The following AEBP2 variants were observed in gnomAD, a reference collection of about 807,000 sequenced individuals.
The protein encoded by AEBP2 is zinc finger protein AEBP2.
In AEBP2, 10 loss-of-function variants were observed where a neutral mutation model predicts 50.8. The observed-to-expected ratio is 0.20, with a 90% CI of 0.12 to 0.33. The LOEUF is 0.33. AEBP2 is among the 10% of genes least tolerant of loss of function. The pLI is 1.00. For synonymous variants in AEBP2, 296 were observed against 261.3 expected (o/e 1.13, Z -1.28); for missense variants, 570 against 688.0 (o/e 0.83, Z 1.92).
chr12:19,459,741 T>A (rs992912820), intron 1 of AEBP2, among the ~76,000 whole-genome samples: 1 of 152,170 alleles, frequency 6.6e-6, no homozygotes. Flanking sequence ...ACTAGGCAGG[T>A]AAATATATAT....
intron 3 of AEBP2, among the ~76,000 whole-genome samples, chr12:19,474,590 CCTTT>C (rs1390854889): frequency 6.6e-6 from 1 of 152,058 alleles, no homozygotes; most frequent in South Asian, 2.1e-4. Flanking sequence ...GTCTCATTCT[CCTTT>C]CTTTCTTACA....
chr12:19,521,968 T>C lies in AEBP2; in HGVS notation c.*3851T>C, dbSNP rs957021341. On this transcript the variant is annotated 3_prime_UTR_variant, in exon 8 of 8. Coordinates refer to ENST00000266508, the MANE Select transcript of AEBP2 (RefSeq NM_153207.5). ...AAAGAACTTAAATTCTTAGTTTATA[T>C]GAAAACTGATATGTATGTCTGTGTA... 7 of 152,140 alleles carry C rather than the reference T, an allele frequency of 4.6e-5. No individual in the cohort carries two copies. The highest frequency in any genetic ancestry group is 1.7e-4 in the African/African-American group (7 of 41,446). The allele number at this position is 152,140 out of a possible 1,614,324, so 9.4% of individuals were successfully genotyped here. A position where few individuals can be genotyped will look rare whatever the true frequency, so the allele number is the denominator to read the frequency against.
chr12:19,467,098 C>T (rs186400210), intron 2 of AEBP2, among the ~76,000 whole-genome samples: 1 of 152,186 alleles, frequency 6.6e-6, no homozygotes, highest in Admixed American at 6.6e-5. Flanking sequence ...ATTATGAATA[C>T]ACTTTTTTTT....
intron 3 of AEBP2, among the ~76,000 whole-genome samples, chr12:19,483,032 A>C (rs1024846176): frequency 1.3e-5 from 2 of 152,136 alleles, no homozygotes; most frequent in African/African-American, 4.8e-5. Context: ...CTCTGTCAGC[A>C]GCTCTGCGCT....
chr12:19,440,678 C>T (rs1947939833), intron 1 of AEBP2: 16 of 1,533,108 alleles, frequency 1.0e-5, no homozygotes, highest in Non-Finnish European at 1.4e-5. Flanking sequence ...GGGCCCAGAT[C>T]CTCTGGCGGA....
rs58323324 is a variant in AEBP2, at chr12:19,416,053, G to A, written c.-17+11837G>A. On this transcript the variant is annotated intron_variant, in intron 1 of 3. Coordinates refer to the AEBP2 transcript ENST00000538425. ...AAAAGTTAGCTGGGCATGGTGGTGC[G>A]TGCCTGTGGTCTCAACTACTTGGGA... 6.3e-3 allele frequency among the ~76,000 whole-genome samples: 956 copies of A among 152,224 alleles called. 9 individuals carry two copies. The highest frequency in any genetic ancestry group is 0.019 in the African/African-American group (788 of 41,538).
At chr12:19,467,223 T>TA (rs397729533) in intron 2 of AEBP2, among the ~76,000 whole-genome samples, 11 of 151,398 alleles carry the variant, frequency 7.3e-5, no homozygotes, top group Non-Finnish European at 1.3e-4. Flanking sequence ...CCTTTTTTTT[T>TA]AAAAACATCA....
At position 19,481,075 on chromosome 12, in the gene AEBP2, A is replaced by G. The variant is rs77807834; in HGVS notation, c.987+7720A>G. ...GAAATTCTTTCTTCTACTGTTATTG[A>G]AACTTTGCAGTGCATCCTTTTTTTT... On this transcript the variant is annotated intron_variant, in intron 3 of 7. Coordinates refer to ENST00000266508, the MANE Select transcript of AEBP2 (RefSeq NM_153207.5). Among the ~76,000 whole-genome samples, 1,091 of 140,214 alleles carry G rather than the reference A, an allele frequency of 7.8e-3. 58 individuals are homozygous for G. Among genetic ancestry groups the G allele is most frequent in the Admixed American group, 0.064 (897 of 14,016 alleles). The allele number at this position is 140,214 out of a possible 152,430, so 92.0% of individuals were successfully genotyped here. A position where few individuals can be genotyped will look rare whatever the true frequency, so the allele number is the denominator to read the frequency against.
intron 3 of AEBP2, among the ~76,000 whole-genome samples, chr12:19,485,854 A>G (rs1948800486): frequency 6.6e-6 from 1 of 151,850 alleles, no homozygotes; most frequent in African/African-American, 2.4e-5. Flanking sequence ...GATCAATTAA[A>G]TTATAACAGG....
intron 2 of AEBP2, chr12:19,466,701 G>T: frequency 1.5e-6 from 1 of 668,264 alleles, no homozygotes; most frequent in Non-Finnish European, 1.9e-6. Flanking sequence ...TGATTTTGTT[G>T]GCCTAATTAT....
chr12:19,518,037 A>T, intron 7 of AEBP2, 50 bp from the exon 8 acceptor site: 1 of 1,530,612 alleles, frequency 6.5e-7, no homozygotes, highest in Non-Finnish European at 8.9e-7. Context: ...GAAGCACTCA[A>T]ATGTGTTTGA....
rs1256719567 is a variant in AEBP2 at position 19,522,119 on chromosome 12, T to C, written c.*4002T>C. 2.0e-5 allele frequency: 3 copies of C among 152,072 alleles called. No homozygotes were observed. The highest frequency in any genetic ancestry group is 6.6e-5 in the Admixed American group (1 of 15,264). The allele number at this position is 152,072 out of a possible 1,614,324, so 9.4% of individuals were successfully genotyped here. A position where few individuals can be genotyped will look rare whatever the true frequency, so the allele number is the denominator to read the frequency against. ...TTTTGGGGATTTTGGTTAAAACATA[T>C]TTCTCTATTCTAAAAATTACAGAAT... is the stretch of plus-strand genomic sequence containing the variant. On this transcript the variant is annotated 3_prime_UTR_variant, in exon 8 of 8. Coordinates refer to ENST00000266508, the MANE Select transcript of AEBP2 (RefSeq NM_153207.5).
chr12:19,423,331 A>G lies in AEBP2; in HGVS notation c.-17+19115A>G, dbSNP rs149833115. Among the ~76,000 whole-genome samples the G allele has an allele frequency of 4.9e-4, 75 of 152,276 alleles. No homozygotes were observed. In the East Asian group the frequency reaches 0.013, roughly 27 times the overall value. On this transcript the variant is annotated intron_variant, in intron 1 of 3. Transcript: ENST00000538425. ...TCAATTTTTGGAAGCCTCTGCTGAC[A>G]GATCTGAATAGAAGATTGGCTGATC...
chr12:19,475,693 T>C (rs954656901), intron 3 of AEBP2, among the ~76,000 whole-genome samples: 1 of 152,148 alleles, frequency 6.6e-6, no homozygotes, highest in Non-Finnish European at 1.5e-5. Flanking sequence ...ATAGTGGTTG[T>C]ATTATATTCT....
chr12:19,509,057 A>G (rs1011162840), intron 5 of AEBP2: 18 of 596,216 alleles, frequency 3.0e-5, no homozygotes, highest in African/African-American at 3.0e-4. Context: ...GTGCCCAGGC[A>G]GACATGGAGG....
chr12:19,509,820 C>CTTTTTTT (rs57103167), intron 5 of AEBP2, among the ~76,000 whole-genome samples: 4 of 68,748 alleles, frequency 5.8e-5, no homozygotes, highest in Admixed American at 2.2e-4. Flanking sequence ...TGGCTACTTT[C>CTTTTTTT]TTTTTTTTTT....
chr12:19,416,992 C>T (rs1049970340), intron 1 of AEBP2, among the ~76,000 whole-genome samples: 2 of 151,932 alleles, frequency 1.3e-5, no homozygotes, highest in African/African-American at 4.8e-5. Context: ...CTGCCTCAGC[C>T]TCCTGAGTAG....
chr12:19,519,517 C>G lies in AEBP2; in HGVS notation c.*1400C>G, dbSNP rs1949369662. ...TATGGCACTCATTTCTGACAGTGATCAAGAAATCAGTTATTTCCTTACTGT... is the reference window on the plus strand; with the variant it reads ...TATGGCACTCATTTCTGACAGTGATGAAGAAATCAGTTATTTCCTTACTGT... On this transcript the variant is annotated 3_prime_UTR_variant, in exon 8 of 8. Transcript: ENST00000266508. 1 of 152,522 alleles carries G rather than the reference C, an allele frequency of 6.6e-6. No individual in the cohort carries two copies. Among genetic ancestry groups the G allele is most frequent in the African/African-American group, 2.4e-5 (1 of 41,446 alleles). 9.4% of individuals were successfully genotyped at this position (152,522 alleles called of 1,614,324 possible).
intron 1 of AEBP2, among the ~76,000 whole-genome samples, chr12:19,450,997 T>G (rs1158099419): frequency 6.9e-6 from 1 of 144,274 alleles, no homozygotes; most frequent in African/African-American, 2.6e-5. Flanking sequence ...GTTTTTTTTT[T>G]GGCATTACTG....
Sources: allele counts gnomAD v4.1 joint callset (sites outside exome capture counted in the v4.1 genomes callset), GRCh38; gene constraint gnomAD v4.1.1; transcripts MANE v1.5; gene names NCBI Gene and HGNC (gene_info 2026-07-23, HGNC 2026-07-21).